DAB2IP: variants seen among roughly 807,000 people sequenced by gnomAD.
DAB2IP encodes the protein disabled homolog 2-interacting protein.
In DAB2IP, 28 loss-of-function variants were observed where a neutral mutation model predicts 107.2. The observed-to-expected ratio is 0.26, with a 90% confidence interval of 0.19 to 0.36. DAB2IP has a LOEUF of 0.36. Among genes scored for constraint, DAB2IP ranks in the 10% least tolerant of loss-of-function variants. The pLI, the probability that DAB2IP is intolerant of heterozygous loss-of-function variation, is 1.00. For missense variants in DAB2IP, 1,400 were observed against 1,644.7 expected, an observed-to-expected ratio of 0.85 and a Z score of 2.57; for synonymous variants, 755 against 706.4, an observed-to-expected ratio of 1.07 and a Z score of -1.09.
At chr9:121,583,398 A>G (rs1463358342) in intron 1 of DAB2IP, among the ~76,000 whole-genome samples, 3 of 152,136 alleles carry the variant, frequency 2.0e-5, no homozygotes, top group African/African-American at 4.8e-5. Context: ...TTAAAAAACA[A>G]AAAAGAAAAG....
At chr9:121,577,514 C>T (rs1444926821) in intron 1 of DAB2IP, among the ~76,000 whole-genome samples, 1 of 152,226 alleles carries the variant, frequency 6.6e-6, no homozygotes, top group Non-Finnish European at 1.5e-5. Context: ...CGTGAGTGAG[C>T]ACGTGAGGGC....
chr9:121,729,625 C>G (rs1831412180), intron 3 of DAB2IP, among the ~76,000 whole-genome samples: 2 of 152,216 alleles, frequency 1.3e-5, no homozygotes, highest in Admixed American at 6.5e-5. Flanking sequence ...TGGGAGGACT[C>G]TAGCACACCA....
intron 1 of DAB2IP, among the ~76,000 whole-genome samples, chr9:121,621,807 T>G (rs1384789176): frequency 1.4e-5 from 1 of 73,866 alleles, no homozygotes. Context: ...CCACCACACC[T>G]GGCTAATTTT....
At chr9:121,608,616 G>C (rs1346248208) in intron 1 of DAB2IP, among the ~76,000 whole-genome samples, 2 of 152,202 alleles carry the variant, frequency 1.3e-5, no homozygotes, top group African/African-American at 4.8e-5. Context: ...AGAATGCTAT[G>C]ATAAGGATAG....
intron 3 of DAB2IP, among the ~76,000 whole-genome samples, chr9:121,709,290 A>AGCGGG (rs1476031767): frequency 6.6e-6 from 1 of 152,134 alleles, no homozygotes; most frequent in Non-Finnish European, 1.5e-5. Flanking sequence ...GAGCCATCGT[A>AGCGGG]GCGGGGCGGG....
At chr9:121,771,579 A>G (rs1245272819) in intron 11 of DAB2IP, among the ~76,000 whole-genome samples, 1 of 152,100 alleles carries the variant, frequency 6.6e-6, no homozygotes, top group Non-Finnish European at 1.5e-5. Flanking sequence ...GAAGACAAGC[A>G]GAGTCACATG....
chr9:121,664,419 G>A (rs1349212386), intron 1 of DAB2IP, among the ~76,000 whole-genome samples: 4 of 152,164 alleles, frequency 2.6e-5, no homozygotes, highest in Non-Finnish European at 5.9e-5. Flanking sequence ...TCTTGTCAGT[G>A]TCCTCAAAAT....
At position 121,766,452 on chromosome 9, in the gene DAB2IP, C is replaced by T. The variant is rs550027081; in HGVS notation, c.1461-42C>T. 9.5e-6 allele frequency: 15 copies of T among 1,574,842 alleles called. No individual in the cohort carries two copies. The South Asian group carries it at 1.3e-4, about 14-fold the overall frequency. On this transcript the variant is annotated intron_variant, in intron 8 of 15. Coordinates refer to ENST00000408936, the Ensembl canonical transcript of DAB2IP. The stretch of plus-strand genomic sequence containing the variant: ...GCTCTGTGCACTCCTGTCCTGGGCC[C>T]CTGCCTGACAGCCAAGCCCACCTTT...
intron 1 of DAB2IP, among the ~76,000 whole-genome samples, chr9:121,593,012 C>A (rs1301109920): frequency 1.3e-5 from 2 of 152,178 alleles, no homozygotes; most frequent in Non-Finnish European, 2.9e-5. Flanking sequence ...TAACTTCATG[C>A]ATATTTTTGA....
chr9:121,759,575 G>A (rs533334035), intron 5 of DAB2IP, among the ~76,000 whole-genome samples: 17 of 152,358 alleles, frequency 1.1e-4, no homozygotes, highest in Admixed American at 7.8e-4. Context: ...CGTGTCAGGC[G>A]TTGTGCTGGC....
rs113368912 is a variant in DAB2IP, at chr9:121,575,673, C to T, written c.40+8445C>T. On this transcript the variant is annotated intron_variant, in intron 1 of 16. Transcript: ENST00000259371. Reference sequence around the variant, plus strand: ...TCAGGCCCAGTGTGTCCCCAGCTTCCCCTCACTGGCCTCCCTGGGCTGACT... The same window carrying T: ...TCAGGCCCAGTGTGTCCCCAGCTTCTCCTCACTGGCCTCCCTGGGCTGACT... Among the ~76,000 whole-genome samples the T allele has an allele frequency of 5.7e-4, 86 of 152,204 alleles. 3 individuals are homozygous for T. Among genetic ancestry groups the T allele is most frequent in the African/African-American group, 1.8e-3 (74 of 41,494 alleles).
chr9:121,681,267 C>G (rs915815804), intron 2 of DAB2IP, among the ~76,000 whole-genome samples: 3 of 152,224 alleles, frequency 2.0e-5, no homozygotes, highest in South Asian at 4.1e-4. Context: ...CACACCCCCC[C>G]AGAACCCCAT....
Position 121,662,842 on chromosome 9 carries a change from T to C in DAB2IP, c.124+10943T>C, listed in dbSNP as rs1043329981. 6.6e-6 allele frequency among the ~76,000 whole-genome samples: 1 copy of C among 152,188 alleles called. No homozygotes were observed. The highest frequency in any genetic ancestry group is 1.9e-4 in the East Asian group (1 of 5,182). ...TATGGACACCCTGAGACCTCCTTAG[T>C]TTCCTGAACTCCAGCAGCACAGAGT... On this transcript the variant is annotated intron_variant, in intron 1 of 15. Transcript: ENST00000408936. The surrounding 1 kb of genome is among the most constrained non-coding windows in gnomAD (Gnocchi z 4.6).
chr9:121,630,930 T>A (rs1831854383), intron 1 of DAB2IP, among the ~76,000 whole-genome samples: 1 of 152,160 alleles, frequency 6.6e-6, no homozygotes, highest in South Asian at 2.1e-4. Flanking sequence ...TTAAAAACAT[T>A]TTTCTGAGAG....
At chr9:121,604,117 G>T (rs1300552384) in intron 1 of DAB2IP, among the ~76,000 whole-genome samples, 1 of 152,024 alleles carries the variant, frequency 6.6e-6, no homozygotes, top group East Asian at 1.9e-4. Flanking sequence ...TCAAGGGCAG[G>T]AGCCAAGGGG....
chr9:121,705,093 C>T (rs946391953), intron 3 of DAB2IP, among the ~76,000 whole-genome samples: 5 of 152,228 alleles, frequency 3.3e-5, no homozygotes, highest in Non-Finnish European at 5.9e-5. Flanking sequence ...TTATTACTCT[C>T]CTTTAGATCT....
At chr9:121,582,412 C>T (rs747082626) in intron 1 of DAB2IP, among the ~76,000 whole-genome samples, 10 of 151,898 alleles carry the variant, frequency 6.6e-5, no homozygotes, top group Admixed American at 2.6e-4. Flanking sequence ...GAGGAGGGTG[C>T]GGGCTGTGGG....
chr9:121,775,091 C>G (rs1044205186), intron 13 of DAB2IP, among the ~76,000 whole-genome samples: 1 of 152,354 alleles, frequency 6.6e-6, no homozygotes. Context: ...AGCCTTCCAG[C>G]TGTGGCAGCT....
chr9:121,570,405 A>G (rs764298673), intron 1 of DAB2IP, among the ~76,000 whole-genome samples: 3 of 151,534 alleles, frequency 2.0e-5, no homozygotes, highest in Non-Finnish European at 4.4e-5. Context: ...CTCTTCTTAT[A>G]AGGACACTAA....
Sources: gnomAD v4.1 joint callset for allele counts (sites outside exome capture counted in the v4.1 genomes callset) on GRCh38, gnomAD v4.1.1 for gene constraint, Gnocchi (gnomAD v3.1) non-coding constraint, MANE v1.5 for transcripts, NCBI Gene and HGNC (gene_info 2026-07-23, HGNC 2026-07-21) for gene names.